The following ZBTB41 variants were observed in gnomAD, a reference collection of about 807,000 sequenced individuals.
ZBTB41 encodes zinc finger and BTB domain containing 41.
In ZBTB41, 42 loss-of-function variants were observed where a neutral mutation model predicts 87.6. That is an observed-to-expected ratio of 0.48 (90% CI 0.37 to 0.62). The LOEUF (loss-of-function observed/expected upper bound fraction) is 0.62. ZBTB41 is among the 20% of genes least tolerant of loss of function. ZBTB41 has a pLI of 0.00. For synonymous variants in ZBTB41, 364 were observed against 364.0 expected (o/e 1.00, Z 0.00); for missense variants, 799 against 1,078.9 (o/e 0.74, Z 3.63).
chr1:197,156,419 A>C lies in ZBTB41; in HGVS notation c.*2940T>G, dbSNP rs1659070655. 1 of 152,246 alleles carries C rather than the reference A, an allele frequency of 6.6e-6. No homozygotes were observed. Among genetic ancestry groups the C allele is most frequent in the Non-Finnish European group, 1.5e-5 (1 of 67,760 alleles). The allele number at this position is 152,246 out of a possible 1,614,324, so 9.4% of individuals were successfully genotyped here. On this transcript the variant is annotated 3_prime_UTR_variant, in exon 11 of 11. Transcript: ENST00000367405. Reference sequence around the variant, plus strand: ...ATTAAGTGCTAACTGCTATCTGCTAAAAAATTAATTTAAAACAATAAATTA... The same window carrying C: ...ATTAAGTGCTAACTGCTATCTGCTACAAAATTAATTTAAAACAATAAATTA...
rs1190305887 is a variant in ZBTB41, at chr1:197,155,350, A to AT, written c.*4008dup. 6.6e-6 allele frequency: 1 copy of AT among 152,306 alleles called. No individual in the cohort carries two copies. Among genetic ancestry groups the AT allele is most frequent in the Admixed American group, 6.6e-5 (1 of 15,240 alleles). The allele number at this position is 152,306 out of a possible 1,614,324, so 9.4% of individuals were successfully genotyped here. ...TGCCCAACCAGCAGGCAACACAATC[A>AT]TAACACCCATAACCAAAAAAAAATA... is the stretch of plus-strand genomic sequence containing the variant. On this transcript the variant is annotated 3_prime_UTR_variant, in exon 11 of 11. Transcript: ENST00000367405.
chr1:197,164,898 TC>T (rs1234637664), intron 10 of ZBTB41, among the ~76,000 whole-genome samples: 202 of 78,928 alleles, frequency 2.6e-3, no homozygotes, highest in South Asian at 4.5e-3. Context: ...ATAATACATA[TC>T]TAATATATTA....
chr1:197,188,510 A>C, intron 4 of ZBTB41, 71 bp from the exon 5 acceptor site: 1 of 1,347,972 alleles, frequency 7.4e-7, no homozygotes, highest in South Asian at 1.5e-5. Context: ...TTGTAATGAG[A>C]AGAAAACCAT....
At chr1:197,180,357 A>G (rs1659714517) in intron 6 of ZBTB41, among the ~76,000 whole-genome samples, 1 of 152,152 alleles carries the variant, frequency 6.6e-6, no homozygotes, top group Non-Finnish European at 1.5e-5. Flanking sequence ...CTGCTTAACA[A>G]TGCATTTCTC....
At chr1:197,177,718 T>C (rs1423171941) in intron 7 of ZBTB41, among the ~76,000 whole-genome samples, 1 of 152,082 alleles carries the variant, frequency 6.6e-6, no homozygotes, top group Non-Finnish European at 1.5e-5. Context: ...TCTCTCTCTA[T>C]ATATATTCTA....
chr1:197,156,542 G>A lies in ZBTB41; in HGVS notation c.*2817C>T, dbSNP rs1413871117. On this transcript the variant is annotated 3_prime_UTR_variant, in exon 11 of 11. Coordinates refer to ENST00000367405, the MANE Select transcript of ZBTB41 (RefSeq NM_194314.3). ...AAAATAAATGGATTAGAGTTATAGAGCATTTGTCCAAAATACTCTAAATCA... is the reference window on the plus strand; with the variant it reads ...AAAATAAATGGATTAGAGTTATAGAACATTTGTCCAAAATACTCTAAATCA... 6.6e-6 allele frequency: 1 copy of A among 152,174 alleles called. No homozygotes were observed. The highest frequency in any genetic ancestry group is 1.5e-5 in the Non-Finnish European group (1 of 67,768). The allele number at this position is 152,174 out of a possible 1,614,324, so 9.4% of individuals were successfully genotyped here. A position where few individuals can be genotyped will look rare whatever the true frequency, so the allele number is the denominator to read the frequency against.
At chr1:197,177,949 A>G (rs549578459) in intron 7 of ZBTB41, among the ~76,000 whole-genome samples, 1 of 152,214 alleles carries the variant, frequency 6.6e-6, no homozygotes, top group South Asian at 2.1e-4. Flanking sequence ...TTAGAAAAAA[A>G]CTTTTCATAA....
chr1:197,159,304 C>T lies in ZBTB41; in HGVS notation c.*55G>A. 1 of 1,538,880 alleles carries T rather than the reference C, an allele frequency of 6.5e-7. No homozygotes were observed. Among genetic ancestry groups the T allele is most frequent in the Non-Finnish European group, 8.9e-7 (1 of 1,125,090 alleles). On this transcript the variant is annotated 3_prime_UTR_variant, in exon 11 of 11. Coordinates refer to ENST00000367405, the MANE Select transcript of ZBTB41 (RefSeq NM_194314.3). ...GCAGCCCCACAAATTTAAAAGCTAT[C>T]ATCTCTACCATTAGCATATAACCAT...
At chr1:197,180,924 TATTG>T (rs1163339648) in intron 6 of ZBTB41, 60 bp downstream of exon 6, 35 of 1,507,714 alleles carry the variant, frequency 2.3e-5, no homozygotes, top group Non-Finnish European at 2.7e-5. Context: ...CTATAAATCA[TATTG>T]ATTGATTATT....
chr1:197,188,539 C>G (rs1659939858), intron 4 of ZBTB41, 100 bp from the exon 5 acceptor site: 1 of 1,148,556 alleles, frequency 8.7e-7, no homozygotes, highest in Non-Finnish European at 1.2e-6. Flanking sequence ...AATAAAGAGA[C>G]TTTTCTCCCA....
At chr1:197,165,695 T>C (rs1267038192) in intron 10 of ZBTB41, among the ~76,000 whole-genome samples, 1 of 151,018 alleles carries the variant, frequency 6.6e-6, no homozygotes, top group Non-Finnish European at 1.5e-5. Flanking sequence ...GGCTTTAAAA[T>C]ACATACAATA....
chr1:197,174,631 A>G (rs903997743), intron 9 of ZBTB41, among the ~76,000 whole-genome samples: 7 of 152,124 alleles, frequency 4.6e-5, no homozygotes, highest in African/African-American at 1.7e-4. Flanking sequence ...CTTCAAATAA[A>G]ATAATATTTT....
In ZBTB41 at chr1:197,173,570, A is replaced by G. The variant is rs888889442; in HGVS notation, c.1986-1322T>C. Among the ~76,000 whole-genome samples the G allele has an allele frequency of 4.6e-5, 7 of 151,936 alleles. 1 individual carries two copies. In the South Asian group the frequency reaches 1.2e-3, roughly 27 times the overall value. On this transcript the variant is annotated intron_variant, in intron 9 of 10. Coordinates refer to ENST00000367405, the MANE Select transcript of ZBTB41 (RefSeq NM_194314.3). ...CAGGTACATGCCACCACACCCAGAT[A>G]ATTTATTTTCTTTTATTGTTTTGTA...
intron 10 of ZBTB41, among the ~76,000 whole-genome samples, chr1:197,169,162 A>G (rs2125126332): frequency 6.6e-6 from 1 of 152,194 alleles, no homozygotes; most frequent in East Asian, 1.9e-4. Context: ...TGAAAAAACT[A>G]CTTAGTAGTA....
rs745781871 is a variant in ZBTB41, at chr1:197,156,927, G to A, written c.*2432C>T. ...ACCTACTGACCATGTGAGCTTAAAT[G>A]AGTCCTTTTATCTTAACCTCAAATT... On this transcript the variant is annotated 3_prime_UTR_variant, in exon 11 of 11. Coordinates refer to ENST00000367405, the MANE Select transcript of ZBTB41 (RefSeq NM_194314.3). 11 of 152,218 alleles carry A rather than the reference G, an allele frequency of 7.2e-5. No individual in the cohort carries two copies. The highest frequency in any genetic ancestry group is 1.3e-4 in the Non-Finnish European group (9 of 67,672). 9.4% of individuals were successfully genotyped at this position (152,218 alleles called of 1,614,324 possible).
chr1:197,161,103 T>C (rs895484432), intron 10 of ZBTB41, among the ~76,000 whole-genome samples: 2 of 152,088 alleles, frequency 1.3e-5, no homozygotes, highest in Non-Finnish European at 2.9e-5. Flanking sequence ...TTATTCCCTA[T>C]AGCCCCTGGA....
chr1:197,161,742 G>A (rs1484425342), intron 10 of ZBTB41, among the ~76,000 whole-genome samples: 2 of 152,046 alleles, frequency 1.3e-5, no homozygotes. Flanking sequence ...GCTCAGAGGA[G>A]AGTGCTTTGA....
At chr1:197,195,302 A>G (rs745875064) in intron 2 of ZBTB41, among the ~76,000 whole-genome samples, 2 of 152,218 alleles carry the variant, frequency 1.3e-5, no homozygotes, top group Non-Finnish European at 2.9e-5. Flanking sequence ...AGAAGTCATA[A>G]ATTAAAGATA....
chr1:197,177,833 A>G (rs1659650200), intron 7 of ZBTB41, among the ~76,000 whole-genome samples: 1 of 152,162 alleles, frequency 6.6e-6, no homozygotes, highest in African/African-American at 2.4e-5. Flanking sequence ...ATTTAAACTT[A>G]AAGCAAGATA....
Sources: allele counts gnomAD v4.1 joint callset (sites outside exome capture counted in the v4.1 genomes callset), GRCh38; gene constraint gnomAD v4.1.1; transcripts MANE v1.5; gene names NCBI Gene and HGNC (gene_info 2026-07-23, HGNC 2026-07-21).